The following KLHL1 variants were observed in gnomAD, a reference collection of about 807,000 sequenced individuals.
The protein encoded by KLHL1 is kelch-like protein 1.
A neutral mutation model predicts 77.7 loss-of-function variants in KLHL1; 47 were observed. The ratio of observed to expected loss-of-function variants is 0.60; its 90% CI spans 0.48 to 0.77. The LOEUF is 0.77. Among genes scored for constraint, KLHL1 ranks in the 30% least tolerant of loss-of-function variants. The pLI, the probability that KLHL1 is intolerant of heterozygous loss-of-function variation, is 0.00. For synonymous variants in KLHL1, 360 were observed against 325.2 expected, an observed-to-expected ratio of 1.11 and a Z score of -1.15; for missense variants, 925 against 910.8, an observed-to-expected ratio of 1.02 and a Z score of -0.20.
chr13:69,905,546 C>A (rs1882018462), intron 4 of KLHL1, among the ~76,000 whole-genome samples: 1 of 151,854 alleles, frequency 6.6e-6, no homozygotes, highest in Non-Finnish European at 1.5e-5. Flanking sequence ...AAAAGTAAGA[C>A]CAAATTCAAT....
chr13:70,024,523 T>G (rs1363453849), intron 1 of KLHL1, among the ~76,000 whole-genome samples: 1 of 151,874 alleles, frequency 6.6e-6, no homozygotes, highest in Non-Finnish European at 1.5e-5. Context: ...CTCCTCAACG[T>G]AAGTTTTTTC....
chr13:70,026,705 TGTGTGTGTGTGTG>T (rs1885952263), intron 1 of KLHL1, among the ~76,000 whole-genome samples: 1 of 121,094 alleles, frequency 8.3e-6, no homozygotes, highest in Non-Finnish European at 1.7e-5. Context: ...GAACTTAGGG[TGTGTGTGTGTGTG>T]TGTGTGTGTG....
intron 10 of KLHL1, among the ~76,000 whole-genome samples, chr13:69,703,032 G>T (rs1875469594): frequency 6.6e-6 from 1 of 151,504 alleles, no homozygotes; most frequent in Non-Finnish European, 1.5e-5. Flanking sequence ...TACTTTCCCT[G>T]GTCTTTCTTT....
intron 1 of KLHL1, among the ~76,000 whole-genome samples, chr13:70,009,147 A>G (rs1420586433): frequency 6.7e-6 from 1 of 150,198 alleles, no homozygotes; most frequent in African/African-American, 2.5e-5. Flanking sequence ...AAATTTGTGT[A>G]AGTCACGACT....
chr13:69,855,689 G>A (rs1005610511), intron 5 of KLHL1, among the ~76,000 whole-genome samples: 135 of 151,128 alleles, frequency 8.9e-4, no homozygotes, highest in African/African-American at 3.1e-3. Flanking sequence ...TTCCCCTTCC[G>A]CCGTGATTGT....
At chr13:70,022,035 T>G (rs1885812171) in intron 1 of KLHL1, among the ~76,000 whole-genome samples, 1 of 152,020 alleles carries the variant, frequency 6.6e-6, no homozygotes, top group Non-Finnish European at 1.5e-5. Context: ...CCTTTGGTGT[T>G]ATAGATACAG....
At chr13:69,899,345 G>GA (rs1216095808) in intron 4 of KLHL1, among the ~76,000 whole-genome samples, 1 of 152,056 alleles carries the variant, frequency 6.6e-6, no homozygotes, top group Non-Finnish European at 1.5e-5. Context: ...AGAATGCTGG[G>GA]AAAAGAAAGA....
chr13:69,995,150 C>T (rs1287091770), intron 1 of KLHL1, among the ~76,000 whole-genome samples: 1 of 152,038 alleles, frequency 6.6e-6, no homozygotes, highest in African/African-American at 2.4e-5. Context: ...CTTTTGACAA[C>T]AACAAAGTCA....
chr13:69,916,311 T>A (rs538279178), intron 4 of KLHL1, among the ~76,000 whole-genome samples: 1 of 152,178 alleles, frequency 6.6e-6, no homozygotes, highest in East Asian at 1.9e-4. Context: ...TGTGGCACTA[T>A]TCACAATAGC....
chr13:70,068,264 C>T (rs1277733425), intron 1 of KLHL1, among the ~76,000 whole-genome samples: 3 of 151,970 alleles, frequency 2.0e-5, no homozygotes, highest in Non-Finnish European at 4.4e-5. Flanking sequence ...TGGCGTGAAC[C>T]CGGGAGGCGG....
At chr13:70,063,596 A>G (rs968294847) in intron 1 of KLHL1, among the ~76,000 whole-genome samples, 26 of 152,226 alleles carry the variant, frequency 1.7e-4, no homozygotes, top group African/African-American at 6.3e-4. Flanking sequence ...AAACTTCAAT[A>G]TAAGTAAAAT....
Position 70,002,732 on chromosome 13 carries a change from A to T in KLHL1, c.498-26930T>A, listed in dbSNP as rs557876745. 4.6e-5 allele frequency among the ~76,000 whole-genome samples: 7 copies of T among 151,776 alleles called. No individual in the cohort carries two copies. In the East Asian group the frequency reaches 7.8e-4, roughly 17 times the overall value. On this transcript the variant is annotated intron_variant, in intron 1 of 10. Transcript: ENST00000377844. ...ACTTGCTTTCCATTAAAATAACTCG[A>T]GTCACTACTTGATGTCATAAACTTC...
chr13:69,923,108 A>G (rs755157666), intron 4 of KLHL1, among the ~76,000 whole-genome samples: 1 of 152,218 alleles, frequency 6.6e-6, no homozygotes, highest in Non-Finnish European at 1.5e-5. Context: ...GACACTTAAC[A>G]AAGAGGTGAA....
intron 1 of KLHL1, among the ~76,000 whole-genome samples, chr13:70,009,721 T>A (rs1228520787): frequency 6.6e-6 from 1 of 152,192 alleles, no homozygotes; most frequent in Non-Finnish European, 1.5e-5. Flanking sequence ...AATAGGTATA[T>A]TTCATTGCTA....
intron 6 of KLHL1, among the ~76,000 whole-genome samples, chr13:69,808,791 G>T (rs963365141): frequency 6.6e-6 from 1 of 152,058 alleles, no homozygotes; most frequent in African/African-American, 2.4e-5. Context: ...AGATCTGAGA[G>T]AAAGTTGAAA....
intron 5 of KLHL1, among the ~76,000 whole-genome samples, chr13:69,871,731 T>C (rs979900067): frequency 6.6e-6 from 1 of 151,982 alleles, no homozygotes; most frequent in African/African-American, 2.4e-5. Context: ...GCCAACTTTT[T>C]TTTTTTTTTT....
intron 6 of KLHL1, among the ~76,000 whole-genome samples, chr13:69,804,360 C>A (rs1345017132): frequency 6.6e-6 from 1 of 152,058 alleles, no homozygotes; most frequent in African/African-American, 2.4e-5. Flanking sequence ...GCAATACAGA[C>A]AGCAGAATTT....
At chr13:69,939,378 T>TATATATATATACACACACAC (rs1200160699) in intron 4 of KLHL1, among the ~76,000 whole-genome samples, 1 of 70,822 alleles carries the variant, frequency 1.4e-5, no homozygotes, top group African/African-American at 6.4e-5. Context: ...TATATATATA[T>TATATATATATACACACACAC]ACACACACAC....
At position 70,059,461 on chromosome 13, in the gene KLHL1, C is replaced by T. The variant is rs535522013; in HGVS notation, c.497+47742G>A. Among the ~76,000 whole-genome samples the T allele has an allele frequency of 5.3e-5, 8 of 152,218 alleles. No individual in the cohort carries two copies. The East Asian group carries it at 5.8e-4, about 11-fold the overall frequency. Reference sequence around the variant, plus strand: ...GTGAGATTATGAGCATGAGCCACCACGCCTGGCTGGGCAAATATTTCATGA... The same window carrying T: ...GTGAGATTATGAGCATGAGCCACCATGCCTGGCTGGGCAAATATTTCATGA... On this transcript the variant is annotated intron_variant, in intron 1 of 10. Transcript: ENST00000377844.
Sources: allele counts gnomAD v4.1 joint callset (sites outside exome capture counted in the v4.1 genomes callset), GRCh38; gene constraint gnomAD v4.1.1; transcripts MANE v1.5; gene names NCBI Gene and HGNC (gene_info 2026-07-23, HGNC 2026-07-21).